ERLEC1: variants seen among roughly 807,000 people sequenced by gnomAD.
ERLEC1 encodes the protein endoplasmic reticulum lectin 1, also known as ER lectin.
Under a neutral mutation model 68.0 loss-of-function variants are expected in ERLEC1, and 47 were observed. That is an observed-to-expected ratio of 0.69 (90% CI 0.55 to 0.88). The LOEUF (loss-of-function observed/expected upper bound fraction) is 0.88. ERLEC1 is among the 40% of genes least tolerant of loss of function. The pLI is 0.00. For synonymous variants in ERLEC1, 225 were observed against 203.2 expected (o/e 1.11, Z -0.91); for missense variants, 567 against 583.8 (o/e 0.97, Z 0.30).
At chr2:53,810,558 T>G (rs1413848712) in intron 10 of ERLEC1, among the ~76,000 whole-genome samples, 1 of 152,194 alleles carries the variant, frequency 6.6e-6, no homozygotes, top group Non-Finnish European at 1.5e-5. Flanking sequence ...TGGACCTAGC[T>G]GCTTTAAAAG....
At position 53,814,633 on chromosome 2, in the gene ERLEC1, A is replaced by G. The variant is rs1313673220; in HGVS notation, c.1304+13A>G. 5.7e-6 allele frequency: 9 copies of G among 1,591,938 alleles called. No homozygotes were observed. The highest frequency in any genetic ancestry group is 3.3e-5 in the Admixed American group (2 of 59,754). On this transcript the variant is annotated intron_variant, in intron 12 of 13. Coordinates refer to ENST00000185150, the MANE Select transcript of ERLEC1 (RefSeq NM_015701.5). ...CTGTAAAACTAAAGTAAGTTAGACC[A>G]TCAAATCATGCTGTATGCCTTTGTC...
intron 9 of ERLEC1, among the ~76,000 whole-genome samples, chr2:53,808,860 C>A (rs1274208093): frequency 6.6e-6 from 1 of 152,146 alleles, no homozygotes; most frequent in Non-Finnish European, 1.5e-5. Context: ...AACTCCTGGG[C>A]TCAAGCAATC....
At chr2:53,794,614 A>T (rs1384319656) in intron 2 of ERLEC1, among the ~76,000 whole-genome samples, 165 bp downstream of exon 2, 1 of 152,072 alleles carries the variant, frequency 6.6e-6, no homozygotes, top group Non-Finnish European at 1.5e-5. Context: ...TTGATTTTGC[A>T]GTTTATCTTG....
Position 53,814,855 on chromosome 2 carries a change from T to A in ERLEC1, c.1305-5T>A. On this transcript the variant is annotated splice_region_variant and splice_polypyrimidine_tract_variant and intron_variant, in intron 12 of 13. Coordinates refer to ENST00000185150, the MANE Select transcript of ERLEC1 (RefSeq NM_015701.5). Reference sequence around the variant, plus strand: ...GACAGTACCTTAAAGTGCTCTCTGTTTTAGGTGCAAAGAATCAGATTCACC... The same window carrying A: ...GACAGTACCTTAAAGTGCTCTCTGTATTAGGTGCAAAGAATCAGATTCACC... 6.2e-7 allele frequency: 1 copy of A among 1,602,264 alleles called. No homozygotes were observed. Among genetic ancestry groups the A allele is most frequent in the Non-Finnish European group, 8.5e-7 (1 of 1,170,914 alleles).
intron 1 of ERLEC1, among the ~76,000 whole-genome samples, chr2:53,790,720 G>C (rs923467218): frequency 2.6e-5 from 4 of 151,130 alleles, no homozygotes; most frequent in Middle Eastern, 3.6e-3. Context: ...CTATCCTCTG[G>C]TCTCAGCCTC....
intron 13 of ERLEC1, among the ~76,000 whole-genome samples, chr2:53,816,917 A>C (rs1247785532): frequency 6.6e-6 from 1 of 152,174 alleles, no homozygotes; most frequent in African/African-American, 2.4e-5. Flanking sequence ...CTGATACTCC[A>C]ATAAGACATG....
chr2:53,799,127 G>C, intron 6 of ERLEC1, 46 bp downstream of exon 6: 1 of 1,529,988 alleles, frequency 6.5e-7, no homozygotes, highest in Non-Finnish European at 9.0e-7. Context: ...CTTATTGTTA[G>C]TGAGGTATGA....
intron 10 of ERLEC1, among the ~76,000 whole-genome samples, chr2:53,810,402 T>G (rs1676529782): frequency 1.3e-5 from 2 of 152,222 alleles, no homozygotes; most frequent in Non-Finnish European, 2.9e-5. Context: ...TTATTTATAA[T>G]TTTATAACTC....
intron 5 of ERLEC1, 137 bp downstream of exon 5, chr2:53,797,932 G>A: frequency 1.3e-6 from 1 of 759,912 alleles, no homozygotes; most frequent in South Asian, 1.6e-5. Flanking sequence ...CGCGGTGGCT[G>A]ACGCGTGTAA....
At position 53,787,306 on chromosome 2, in the gene ERLEC1, A is replaced by G; in HGVS notation, c.96A>G (p.Arg32=). ...CGLLEASGGG[R]ALPQLSDDIP... is the part of the protein sequence containing the mutation. ...TCCTGGAGGCGTCCGGCGGCGGCCGAGCCCTTCCTCAACTCAGCGATGACA... is the reference window on the plus strand; with the variant it reads ...TCCTGGAGGCGTCCGGCGGCGGCCGGGCCCTTCCTCAACTCAGCGATGACA... The change falls in exon 1 of 14, where the codon CGA becomes CGG. Residue 32 remains arginine (R), a synonymous_variant. Coordinates refer to ENST00000185150, the MANE Select transcript of ERLEC1 (RefSeq NM_015701.5). 6.2e-7 allele frequency: 1 copy of G among 1,610,700 alleles called. No individual in the cohort carries two copies. The highest frequency in any genetic ancestry group is 8.5e-7 in the Non-Finnish European group (1 of 1,179,954).
At position 53,801,308 on chromosome 2, in the gene ERLEC1, C is replaced by T. The variant is rs550658320; in HGVS notation, c.526-89C>T. ...CAGTTAATTAGTAAAATGTAGTTTT[C>T]TTCCTTTCAGAATAATAAGTTCCTC... On this transcript the variant is annotated intron_variant, in intron 6 of 13. Coordinates refer to ENST00000185150, the MANE Select transcript of ERLEC1 (RefSeq NM_015701.5). The T allele has an allele frequency of 7.0e-6, 6 of 851,256 alleles. No individual in the cohort carries two copies. In the African/African-American group the frequency reaches 8.6e-5, roughly 12 times the overall value. 52.7% of individuals were successfully genotyped at this position (851,256 alleles called of 1,614,324 possible).
At chr2:53,790,250 C>T (rs1675318763) in intron 1 of ERLEC1, among the ~76,000 whole-genome samples, 1 of 117,828 alleles carries the variant, frequency 8.5e-6, no homozygotes, top group African/African-American at 3.4e-5. Context: ...TGCGCTACCA[C>T]ACCTGGCTAA....
chr2:53,804,090 C>A (rs1467920636), intron 8 of ERLEC1, among the ~76,000 whole-genome samples: 1 of 152,202 alleles, frequency 6.6e-6, no homozygotes, highest in Non-Finnish European at 1.5e-5. Context: ...AAGATTGCAC[C>A]ACTGCACTCC....
intron 2 of ERLEC1, among the ~76,000 whole-genome samples, chr2:53,795,424 C>T (rs1675640253): frequency 6.6e-6 from 1 of 152,072 alleles, no homozygotes; most frequent in South Asian, 2.1e-4. Flanking sequence ...AATCAAAGAC[C>T]ACTGTTTTAA....
rs1677028372 is a variant in ERLEC1, at chr2:53,818,716, T to A, written c.*747T>A. On this transcript the variant is annotated 3_prime_UTR_variant, in exon 14 of 14. Coordinates refer to ENST00000185150, the MANE Select transcript of ERLEC1 (RefSeq NM_015701.5). The stretch of plus-strand genomic sequence containing the variant: ...CACTGTGCTGTCTATCCCTTGTACT[T>A]GCCTACTGTAATATGGATTTCACTT... 6.6e-6 allele frequency: 1 copy of A among 152,278 alleles called. No homozygotes were observed. The highest frequency in any genetic ancestry group is 1.5e-5 in the Non-Finnish European group (1 of 68,058). The allele number at this position is 152,278 out of a possible 1,614,324, so 9.4% of individuals were successfully genotyped here.
chr2:53,807,206 A>T (rs1676341023), intron 8 of ERLEC1, among the ~76,000 whole-genome samples: 2 of 152,174 alleles, frequency 1.3e-5, no homozygotes, highest in African/African-American at 4.8e-5. Context: ...CTTTGGTTTT[A>T]CCTCTTCCTC....
chr2:53,788,907 A>G (rs1396010439), intron 1 of ERLEC1, among the ~76,000 whole-genome samples: 1 of 152,120 alleles, frequency 6.6e-6, no homozygotes, highest in African/African-American at 2.4e-5. Flanking sequence ...TATGTCATTA[A>G]AATTTTTTAC....
intron 5 of ERLEC1, among the ~76,000 whole-genome samples, chr2:53,798,743 A>G (rs561501372): frequency 6.6e-4 from 100 of 151,966 alleles, no homozygotes; most frequent in African/African-American, 2.2e-3. Context: ...TGTTTATTCT[A>G]TATTCAGATT....
Position 53,810,514 on chromosome 2 carries a change from C to T in ERLEC1, c.1101+1241C>T, listed in dbSNP as rs573525467. ...ATACTTTGTTTAGTAAAGTAAGCTG[C>T]TAGGTATTGAAGACAAGCTTTAATT... is the stretch of plus-strand genomic sequence containing the variant. On this transcript the variant is annotated intron_variant, in intron 10 of 13. Transcript: ENST00000185150. Among the ~76,000 whole-genome samples, 5 of 152,206 alleles carry T rather than the reference C, an allele frequency of 3.3e-5. No homozygotes were observed. The South Asian group carries it at 6.2e-4, about 19-fold the overall frequency.
Sources: allele counts gnomAD v4.1 joint callset (sites outside exome capture counted in the v4.1 genomes callset), GRCh38; gene constraint gnomAD v4.1.1; transcripts MANE v1.5; gene names NCBI Gene and HGNC (gene_info 2026-07-23, HGNC 2026-07-21).